The following USH2A variants were observed in gnomAD, a reference collection of about 807,000 sequenced individuals.
USH2A encodes the protein Usher syndrome 2A (autosomal recessive, mild).
A neutral mutation model predicts 538.9 loss-of-function variants in USH2A; 443 were observed. That is an observed-to-expected ratio of 0.82 (90% CI 0.76 to 0.89). The LOEUF (loss-of-function observed/expected upper bound fraction) is 0.89. Among genes scored for constraint, USH2A ranks in the 40% least tolerant of loss-of-function variants. The pLI, the probability that USH2A is intolerant of heterozygous loss-of-function variation, is 0.00. For synonymous variants in USH2A, 2,413 were observed against 2,273.5 expected (o/e 1.06, Z -1.75); for missense variants, 6,633 against 6,324.8 (o/e 1.05, Z -1.65).
At chr1:215,658,613 C>T (rs2102651079) in intron 64 of USH2A, among the ~76,000 whole-genome samples, 1 of 152,284 alleles carries the variant, frequency 6.6e-6, no homozygotes, top group African/African-American at 2.4e-5. Flanking sequence ...GGGTTGCTGT[C>T]CTGGGCTTTT....
intron 21 of USH2A, among the ~76,000 whole-genome samples, chr1:216,167,044 G>C (rs1020133658): frequency 1.3e-5 from 2 of 152,062 alleles, no homozygotes; most frequent in Non-Finnish European, 2.9e-5. Flanking sequence ...CTGCTCATCA[G>C]TCAAGGAACT....
intron 64 of USH2A, among the ~76,000 whole-genome samples, chr1:215,663,676 ATCAG>A (rs768435714): frequency 1.3e-5 from 2 of 152,138 alleles, no homozygotes; most frequent in Non-Finnish European, 2.9e-5. Flanking sequence ...GTGCAAAAGG[ATCAG>A]TCAGAGTCCT....
chr1:215,817,760 A>G lies in USH2A; in HGVS notation c.9372-565T>C, dbSNP rs141909166. Among the ~76,000 whole-genome samples, 1,015 of 152,074 alleles carry G rather than the reference A, an allele frequency of 6.7e-3. 6 individuals carry two copies. The Middle Eastern group carries it at 0.092, about 14-fold the overall frequency. On this transcript the variant is annotated intron_variant, in intron 47 of 71. Coordinates refer to ENST00000307340, the MANE Select transcript of USH2A (RefSeq NM_206933.4). Reference sequence around the variant, plus strand: ...ATCTTTCAGTTATTTGAAAAGGCCAAAACAATCACAAAGATGCCGCCATTA... The same window carrying G: ...ATCTTTCAGTTATTTGAAAAGGCCAGAACAATCACAAAGATGCCGCCATTA...
chr1:215,657,927 ATTTTTTTT>A (rs59977028), intron 64 of USH2A, among the ~76,000 whole-genome samples: 1 of 97,752 alleles, frequency 1.0e-5, no homozygotes, highest in Non-Finnish European at 2.2e-5. Context: ...ATTTGCCCTG[ATTTTTTTT>A]TTTTTTTTTT....
At chr1:216,409,423 G>A (rs2039446527) in intron 3 of USH2A, among the ~76,000 whole-genome samples, 1 of 152,048 alleles carries the variant, frequency 6.6e-6, no homozygotes, top group Non-Finnish European at 1.5e-5. Flanking sequence ...CAAATAGACA[G>A]AGAATCCTAC....
intron 9 of USH2A, among the ~76,000 whole-genome samples, chr1:216,301,110 T>C (rs1016942635): frequency 2.6e-5 from 4 of 152,142 alleles, no homozygotes; most frequent in Admixed American, 6.6e-5. Context: ...TAGAAACTTG[T>C]GTAAAATACA....
At chr1:215,840,813 G>A (rs991399969) in intron 46 of USH2A, among the ~76,000 whole-genome samples, 1 of 152,142 alleles carries the variant, frequency 6.6e-6, no homozygotes, top group Non-Finnish European at 1.5e-5. Flanking sequence ...AGACAATACG[G>A]CAAATCCTCC....
chr1:215,791,867 C>T (rs1373364405), intron 50 of USH2A, among the ~76,000 whole-genome samples: 1 of 152,040 alleles, frequency 6.6e-6, no homozygotes, highest in Non-Finnish European at 1.5e-5. Flanking sequence ...CACACAAATA[C>T]ATATAAATAT....
At chr1:216,216,035 C>G (rs1208194455) in intron 15 of USH2A, among the ~76,000 whole-genome samples, 1 of 152,010 alleles carries the variant, frequency 6.6e-6, no homozygotes, top group Non-Finnish European at 1.5e-5. Context: ...TCAGAAATCA[C>G]TAAGATTAGG....
chr1:215,798,764 TAAAC>T, intron 50 of USH2A, 139 bp downstream of exon 50: 1 of 974,284 alleles, frequency 1.0e-6, no homozygotes, highest in Non-Finnish European at 1.6e-6. Context: ...TGTTATGTGT[TAAAC>T]AATATGTTCC....
chr1:216,405,358 A>C (rs993335935), intron 3 of USH2A, among the ~76,000 whole-genome samples: 3 of 152,182 alleles, frequency 2.0e-5, no homozygotes, highest in African/African-American at 4.8e-5. Context: ...TAAGCAATCA[A>C]ATTAGAAAAT....
chr1:215,919,976 T>C (rs763810252), intron 38 of USH2A, among the ~76,000 whole-genome samples: 43 of 151,970 alleles, frequency 2.8e-4, no homozygotes, highest in Non-Finnish European at 3.1e-4. Flanking sequence ...CTCTCTCTCT[T>C]AACTAAAACT....
chr1:215,625,397 A>G lies in USH2A; in HGVS notation c.*384T>C. The G allele has an allele frequency of 3.3e-6, 1 of 300,180 alleles. No homozygotes were observed. Among genetic ancestry groups the G allele is most frequent in the Non-Finnish European group, 6.4e-6 (1 of 155,566 alleles). 18.6% of individuals were successfully genotyped at this position (300,180 alleles called of 1,614,324 possible). On this transcript the variant is annotated 3_prime_UTR_variant, in exon 72 of 72. Transcript: ENST00000307340. ...AAATGAACAGCAGTGACATCCTTTC[A>G]ACAGAATCATTTTTGAGCCAGTAAC...
At chr1:216,196,832 A>C in intron 18 of USH2A, 110 bp from the exon 19 acceptor site, 1 of 1,311,336 alleles carries the variant, frequency 7.6e-7, no homozygotes, top group East Asian at 2.5e-5. Flanking sequence ...TTACCTTTTA[A>C]AATATTCTGC....
At chr1:216,147,525 T>C (rs892972013) in intron 21 of USH2A, among the ~76,000 whole-genome samples, 9 of 152,174 alleles carry the variant, frequency 5.9e-5, no homozygotes, top group African/African-American at 2.2e-4. Context: ...TGAGACACTT[T>C]ACAGCCCTAG....
intron 38 of USH2A, among the ~76,000 whole-genome samples, chr1:215,930,381 A>T (rs1666333803): frequency 6.6e-6 from 1 of 150,700 alleles, no homozygotes; most frequent in Non-Finnish European, 1.5e-5. Flanking sequence ...AGACAGTTTC[A>T]GACAAGATTT....
chr1:216,022,454 C>T (rs775016135), intron 32 of USH2A, among the ~76,000 whole-genome samples: 14 of 152,102 alleles, frequency 9.2e-5, no homozygotes, highest in Non-Finnish European at 1.6e-4. Flanking sequence ...TGAGAGAAAT[C>T]GGAGCCAGGT....
chr1:216,110,203 A>C (rs1285934753), intron 21 of USH2A, among the ~76,000 whole-genome samples: 1 of 152,140 alleles, frequency 6.6e-6, no homozygotes, highest in East Asian at 1.9e-4. Flanking sequence ...AAAACAAAAC[A>C]AAAACCCAGC....
At chr1:216,356,197 T>A (rs971411932) in intron 4 of USH2A, among the ~76,000 whole-genome samples, 11 of 152,168 alleles carry the variant, frequency 7.2e-5, no homozygotes, top group Admixed American at 2.0e-4. Context: ...GAGTTAAATG[T>A]CCAATGAACG....
Sources: gnomAD v4.1 joint callset for allele counts (sites outside exome capture counted in the v4.1 genomes callset) on GRCh38, gnomAD v4.1.1 for gene constraint, MANE v1.5 for transcripts, NCBI Gene and HGNC (gene_info 2026-07-23, HGNC 2026-07-21) for gene names.